ANGPT2: variants seen among roughly 807,000 people sequenced by gnomAD.
The protein encoded by ANGPT2 is angiopoietin 2.
A neutral mutation model predicts 62.9 loss-of-function variants in ANGPT2; 28 were observed. That is an observed-to-expected ratio of 0.44 (90% confidence interval 0.33 to 0.61). The LOEUF (loss-of-function observed/expected upper bound fraction) is 0.61. Ranked by LOEUF, ANGPT2 falls within the 20% of genes least tolerant of loss-of-function variation. ANGPT2 has a pLI of 0.03. For missense variants in ANGPT2, 727 were observed against 594.9 expected (o/e 1.22, Z -2.31); for synonymous variants, 284 against 207.8 (o/e 1.37, Z -3.15).
At chr8:6,546,822 T>G (rs1822663806) in intron 1 of ANGPT2, among the ~76,000 whole-genome samples, 1 of 152,212 alleles carries the variant, frequency 6.6e-6, no homozygotes, top group Non-Finnish European at 1.5e-5. Context: ...ATCTCTATGA[T>G]TTGATATGTT....
At position 6,499,833 on chromosome 8, in the gene ANGPT2, C is replaced by T. The variant is rs989997528; in HGVS notation, c.*3268G>A. 4 of 1,610,340 alleles carry T rather than the reference C, an allele frequency of 2.5e-6. No individual in the cohort carries two copies. The African/African-American group carries it at 4.0e-5, about 16-fold the overall frequency. On this transcript the variant is annotated 3_prime_UTR_variant, in exon 9 of 9. Coordinates refer to ENST00000629816, the MANE Select transcript of ANGPT2 (RefSeq NM_001118887.2). The stretch of plus-strand genomic sequence containing the variant: ...GGCTAATAAATGTATAATAAATCTG[C>T]TTGTTGTGTCACTTGCAGGTGCTAT...
intron 8 of ANGPT2, among the ~76,000 whole-genome samples, chr8:6,505,329 A>ATG (rs1813240006): frequency 1.8e-5 from 1 of 56,264 alleles, no homozygotes; most frequent in Non-Finnish European, 3.1e-5. Context: ...TGTTATATAC[A>ATG]TATAGAAAGA....
Position 6,503,016 on chromosome 8 carries a change from C to T in ANGPT2, c.*85G>A. 1.3e-6 allele frequency: 2 copies of T among 1,512,258 alleles called. No homozygotes were observed. The highest frequency in any genetic ancestry group is 1.8e-6 in the Non-Finnish European group (2 of 1,104,008). The allele number at this position is 1,512,258 out of a possible 1,614,324, so 93.7% of individuals were successfully genotyped here. On this transcript the variant is annotated 3_prime_UTR_variant, in exon 9 of 9. Transcript: ENST00000629816. ...ACACGCCCTCTGTGGTGGAAGAGGA[C>T]ACAGTGCGCAGCCGTGACTTTCAGT...
intron 7 of ANGPT2, among the ~76,000 whole-genome samples, chr8:6,510,792 C>A (rs1045960584): frequency 6.6e-6 from 1 of 152,170 alleles, no homozygotes; most frequent in African/African-American, 2.4e-5. Flanking sequence ...ATGTGGAGTT[C>A]TGTAAGTGTT....
chr8:6,537,318 A>T lies in ANGPT2; in HGVS notation c.289-4831T>A, dbSNP rs188429576. 2.8e-4 allele frequency among the ~76,000 whole-genome samples: 42 copies of T among 152,018 alleles called. No individual in the cohort carries two copies. In the East Asian group the frequency reaches 7.3e-3, roughly 27 times the overall value. The stretch of plus-strand genomic sequence containing the variant: ...GTGTGTTTATTTTGTCCTCTTCTTG[A>T]TGGTTGACACAGTCGGCAAAGTGTG... On this transcript the variant is annotated intron_variant, in intron 1 of 8. Transcript: ENST00000629816.
intron 8 of ANGPT2, among the ~76,000 whole-genome samples, chr8:6,503,635 C>A (rs912234836): frequency 2.0e-5 from 3 of 152,128 alleles, no homozygotes; most frequent in Non-Finnish European, 2.9e-5. Flanking sequence ...CTTTGCAGTC[C>A]CAGCAACATG....
rs1344563250 is a variant in ANGPT2, at chr8:6,553,355, T to TGCACCAGTAAACCTAGCCAGCCCTC, written c.288+9267_288+9291dup. On this transcript the variant is annotated intron_variant, in intron 1 of 8. Transcript: ENST00000629816. The stretch of plus-strand genomic sequence containing the variant: ...AAAATGTTATTGTGTACTTTCAGAT[T>TGCACCAGTAAACCTAGCCAGCCCTC]GCACCAGTAAACCTAGCCAGCCCTC... 7.9e-5 allele frequency among the ~76,000 whole-genome samples: 12 copies of TGCACCAGTAAACCTAGCCAGCCCTC among 152,352 alleles called. No individual in the cohort carries two copies. The East Asian group carries it at 1.2e-3, about 15-fold the overall frequency.
At chr8:6,528,880 T>A (rs1818904608) in intron 2 of ANGPT2, among the ~76,000 whole-genome samples, 1 of 152,240 alleles carries the variant, frequency 6.6e-6, no homozygotes, top group African/African-American at 2.4e-5. Context: ...TTAGTTCTTA[T>A]CACAAAAAGT....
intron 8 of ANGPT2, among the ~76,000 whole-genome samples, chr8:6,506,186 C>A (rs1329245251): frequency 6.6e-6 from 1 of 151,746 alleles, no homozygotes; most frequent in African/African-American, 2.4e-5. Context: ...TATTCAGAAT[C>A]CTTCACATAT....
intron 7 of ANGPT2, among the ~76,000 whole-genome samples, chr8:6,511,251 G>A (rs1815026127): frequency 1.3e-5 from 2 of 151,730 alleles, no homozygotes; most frequent in South Asian, 4.2e-4. Context: ...ATTAAGAATG[G>A]CCACGTTCTT....
At chr8:6,517,607 C>T (rs543096365) in intron 5 of ANGPT2, among the ~76,000 whole-genome samples, 1 of 152,202 alleles carries the variant, frequency 6.6e-6, no homozygotes, top group Non-Finnish European at 1.5e-5. Flanking sequence ...GAGAAGTTGT[C>T]TGGTAGTCTT....
rs544648138 is a variant in ANGPT2 at position 6,515,758 on chromosome 8, A to C, written c.928-980T>G. ...AAGTTAAGGTTCAAAACCAATTGTA[A>C]ATATTCTTCTTGTGTTGTGTCCCAT... On this transcript the variant is annotated intron_variant, in intron 5 of 8. Transcript: ENST00000629816. 5.9e-5 allele frequency among the ~76,000 whole-genome samples: 9 copies of C among 152,328 alleles called. No homozygotes were observed. The East Asian group carries it at 1.7e-3, about 29-fold the overall frequency.
intron 1 of ANGPT2, among the ~76,000 whole-genome samples, chr8:6,539,619 C>G (rs750175950): frequency 1.3e-5 from 2 of 152,112 alleles, no homozygotes; most frequent in Non-Finnish European, 2.9e-5. Flanking sequence ...TGGAGTCTCG[C>G]TCTGTCTCTC....
chr8:6,532,647 A>G (rs1200075766), intron 1 of ANGPT2, among the ~76,000 whole-genome samples, 160 bp from the exon 2 acceptor site: 2 of 146,288 alleles, frequency 1.4e-5, no homozygotes, highest in Admixed American at 6.8e-5. Flanking sequence ...ATTTTTTTTT[A>G]TCATTAGGAA....
intron 1 of ANGPT2, among the ~76,000 whole-genome samples, chr8:6,536,876 C>T (rs1239273683): frequency 6.6e-6 from 1 of 151,204 alleles, no homozygotes; most frequent in Non-Finnish European, 1.5e-5. Context: ...TTTAGTGTCT[C>T]TCTTATTTTT....
chr8:6,536,142 T>C (rs1563084998), intron 1 of ANGPT2, among the ~76,000 whole-genome samples: 1 of 152,202 alleles, frequency 6.6e-6, no homozygotes, highest in Non-Finnish European at 1.5e-5. Flanking sequence ...AAGAGAAATA[T>C]ATGATGTGAC....
At chr8:6,508,326 A>G (rs1480724445) in intron 8 of ANGPT2, 1 of 152,796 alleles carries the variant, frequency 6.5e-6, no homozygotes, top group Non-Finnish European at 1.5e-5. Flanking sequence ...GTGGGCGCCT[A>G]TAATCCCAGC....
chr8:6,532,668 G>A (rs1211360237), intron 1 of ANGPT2, among the ~76,000 whole-genome samples, 181 bp from the exon 2 acceptor site: 1 of 151,590 alleles, frequency 6.6e-6, no homozygotes, highest in African/African-American at 2.4e-5. Flanking sequence ...AATACAGTGT[G>A]ATTTTATTTT....
At chr8:6,549,685 G>T (rs922615702) in intron 1 of ANGPT2, among the ~76,000 whole-genome samples, 5 of 139,090 alleles carry the variant, frequency 3.6e-5, no homozygotes, top group Non-Finnish European at 6.1e-5. Flanking sequence ...GAAGCCTTCC[G>T]TATCGAGCTG....
Sources: gnomAD v4.1 joint callset for allele counts (sites outside exome capture counted in the v4.1 genomes callset) on GRCh38, gnomAD v4.1.1 for gene constraint, MANE v1.5 for transcripts, NCBI Gene and HGNC (gene_info 2026-07-23, HGNC 2026-07-21) for gene names.